CENPE: variants seen among roughly 807,000 people sequenced by gnomAD.
CENPE encodes centromere-associated protein E.
Under a neutral mutation model 336.1 loss-of-function variants are expected in CENPE, and 145 were observed. The observed-to-expected ratio is 0.43, with a 90% CI of 0.38 to 0.50. The LOEUF (loss-of-function observed/expected upper bound fraction) is 0.50. CENPE is among the 20% of genes least tolerant of loss of function. The pLI, the probability that CENPE is intolerant of heterozygous loss-of-function variation, is 0.00. For missense variants in CENPE, 2,719 were observed against 3,023.3 expected, an observed-to-expected ratio of 0.90 and a Z score of 2.36; for synonymous variants, 1,013 against 984.8, an observed-to-expected ratio of 1.03 and a Z score of -0.54.
At position 103,143,319 on chromosome 4, in the gene CENPE, A is replaced by G. The variant is rs761298281; in HGVS notation, c.5233T>C (p.Ser1745Pro). Residue 1745 changes from serine (S) to proline (P), a missense_variant, in exon 34 of 49, where the codon TCA becomes CCA. Ser to Pro is a moderately conservative substitution (Grantham distance 74). This residue lies in a region of CENPE where 2,437 missense variants were observed against 2,513.3 expected (regional missense o/e 0.97). Coordinates refer to ENST00000265148, the MANE Select transcript of CENPE (RefSeq NM_001813.3). ...TTTGATATTTCATTTGTTTTCTCTG[A>G]AACAATCCCTCTTAGTTTATCAATA... ...ETIDKLRGIV[S>P]EKTNEISNMQ... 1.2e-6 allele frequency: 2 copies of G among 1,606,838 alleles called. No individual in the cohort carries two copies. The highest frequency in any genetic ancestry group is 1.7e-6 in the Non-Finnish European group (2 of 1,173,950).
chr4:103,158,105 T>C (rs1305501413), intron 24 of CENPE, among the ~76,000 whole-genome samples, 195 bp downstream of exon 24: 9 of 151,868 alleles, frequency 5.9e-5, no homozygotes, highest in Non-Finnish European at 1.3e-4. Flanking sequence ...TTTGGGCCCT[T>C]TCCCTTTCTA....
In CENPE at chr4:103,182,868, C is replaced by G. The variant is rs766578555; in HGVS notation, c.857G>C (p.Ser286Thr). 3 of 1,612,412 alleles carry G rather than the reference C, an allele frequency of 1.9e-6. No homozygotes were observed. The highest frequency in any genetic ancestry group is 2.5e-6 in the Non-Finnish European group (3 of 1,179,076). ...QVGGFINYRD[S>T]KLTRILQNSL... Reference sequence around the variant, plus strand: ...ATTCTGGAGAATTCGTGTTAACTTGCTATCTCGATAATTTATGAAACCACT... The same window carrying G: ...ATTCTGGAGAATTCGTGTTAACTTGGTATCTCGATAATTTATGAAACCACT... The change falls in exon 11 of 49, where the codon AGC becomes ACC. Residue 286 changes from serine to threonine, a missense_variant. Ser to Thr is a moderately conservative substitution (Grantham distance 58, BLOSUM62 1). Coordinates refer to ENST00000265148, the MANE Select transcript of CENPE (RefSeq NM_001813.3).
chr4:103,153,560 C>T (rs192215544), intron 24 of CENPE, among the ~76,000 whole-genome samples: 4 of 152,232 alleles, frequency 2.6e-5, no homozygotes, highest in Admixed American at 2.6e-4. Flanking sequence ...ACAATATGGA[C>T]AACTACAAAT....
chr4:103,110,849 T>C lies in CENPE; in HGVS notation c.7703A>G (p.Lys2568Arg). The C allele has an allele frequency of 6.2e-7, 1 of 1,601,692 alleles. No individual in the cohort carries two copies. The highest frequency in any genetic ancestry group is 8.5e-7 in the Non-Finnish European group (1 of 1,175,302). The change falls in exon 47 of 49, where the codon AAA becomes AGA. Residue 2568 changes from lysine to arginine, a missense_variant. Physicochemically the swap from Lys to Arg is conservative, Grantham distance 26 (BLOSUM62 2). This residue lies in a region of CENPE where 2,437 missense variants were observed against 2,513.3 expected (regional missense o/e 0.97). Coordinates refer to ENST00000265148, the MANE Select transcript of CENPE (RefSeq NM_001813.3). Reference protein sequence around the residue: ...KLKQQNEQLIKQKNELLSNNQ... With the variant: ...KLKQQNEQLIRQKNELLSNNQ... ...TTACCTTAACAATTCATTCTTTTGT[T>C]TTATTAGCTGTTCATTTTGCTGCTT...
chr4:103,111,673 T>A (rs2125834583), intron 46 of CENPE, among the ~76,000 whole-genome samples: 1 of 152,252 alleles, frequency 6.6e-6, no homozygotes, highest in Middle Eastern at 3.4e-3. Flanking sequence ...ATCTACACTA[T>A]GTACCTGAAA....
chr4:103,160,521 CTT>C lies in CENPE; in HGVS notation c.2286+102_2286+103del, dbSNP rs148062383. ...TAGTCAAAACGTTTACAGTATCTCT[CTT>C]GTCTGCTAGTTTAAAATAAACTATA... On this transcript the variant is annotated intron_variant, in intron 21 of 48. Transcript: ENST00000265148. 3.5e-3 allele frequency: 3,211 copies of C among 922,000 alleles called. 67 individuals are homozygous for C. In the African/African-American group the frequency reaches 0.049, roughly 14 times the overall value. 57.1% of individuals were successfully genotyped at this position (922,000 alleles called of 1,614,324 possible).
chr4:103,148,578 T>C (rs534799849), intron 28 of CENPE, among the ~76,000 whole-genome samples: 2 of 152,234 alleles, frequency 1.3e-5, no homozygotes, highest in Admixed American at 6.5e-5. Context: ...TTTACCACTA[T>C]TTAATGTTTT....
intron 44 of CENPE, among the ~76,000 whole-genome samples, chr4:103,117,428 T>A (rs1280862335): frequency 6.6e-6 from 1 of 152,096 alleles, no homozygotes; most frequent in African/African-American, 2.4e-5. Context: ...AGTTTCACTG[T>A]CCTAAAAAAC....
At chr4:103,167,228 T>A (rs1034210332) in intron 16 of CENPE, among the ~76,000 whole-genome samples, 1 of 152,170 alleles carries the variant, frequency 6.6e-6, no homozygotes, top group African/African-American at 2.4e-5. Context: ...AAATTCATAC[T>A]GATCTCAGTA....
chr4:103,190,895 T>G (rs547660019), intron 8 of CENPE, among the ~76,000 whole-genome samples: 1 of 151,030 alleles, frequency 6.6e-6, no homozygotes. Flanking sequence ...AATCTACTCA[T>G]CTGACAAAGG....
At chr4:103,119,863 A>T (rs1750454034) in intron 44 of CENPE, among the ~76,000 whole-genome samples, 1 of 152,208 alleles carries the variant, frequency 6.6e-6, no homozygotes, top group African/African-American at 2.4e-5. Context: ...ATATATTTTG[A>T]TAAGCAATTT....
At position 103,160,547 on chromosome 4, in the gene CENPE, T is replaced by C. The variant is rs1754351584; in HGVS notation, c.2286+78A>G. The C allele has an allele frequency of 5.7e-6, 7 of 1,232,280 alleles. No individual in the cohort carries two copies. In the South Asian group the frequency reaches 5.9e-5, roughly 10 times the overall value. The allele number at this position is 1,232,280 out of a possible 1,614,324, so 76.3% of individuals were successfully genotyped here. The stretch of plus-strand genomic sequence containing the variant: ...TTGTCTGCTAGTTTAAAATAAACTA[T>C]ACCAAAATATTTAAGGCACTATTAT... On this transcript the variant is annotated intron_variant, in intron 21 of 48. Transcript: ENST00000265148.
chr4:103,192,503 C>T (rs753474767), intron 8 of CENPE, among the ~76,000 whole-genome samples: 4 of 152,082 alleles, frequency 2.6e-5, no homozygotes, highest in Non-Finnish European at 5.9e-5. Flanking sequence ...GTCATGGAGA[C>T]AAGGTTCCAG....
intron 21 of CENPE, 39 bp from the exon 22 acceptor site, chr4:103,159,363 T>C (rs1239294884): frequency 6.0e-6 from 7 of 1,161,162 alleles, no homozygotes; most frequent in Non-Finnish European, 8.0e-6. Flanking sequence ...GTTAGCAACA[T>C]ATGATTCACT....
chr4:103,109,582 A>G (rs2125829082), intron 47 of CENPE, among the ~76,000 whole-genome samples: 1 of 152,276 alleles, frequency 6.6e-6, no homozygotes. Context: ...CTGGGAAGCA[A>G]TCCTAGAGAC....
intron 41 of CENPE, 86 bp downstream of exon 41, chr4:103,133,609 A>G: frequency 1.1e-6 from 1 of 881,308 alleles, no homozygotes; most frequent in South Asian, 1.6e-5. Flanking sequence ...TGGTAAATGA[A>G]AATAGCTCTA....
intron 17 of CENPE, 72 bp from the exon 18 acceptor site, chr4:103,163,328 T>C (rs533215862): frequency 2.2e-6 from 3 of 1,367,958 alleles, no homozygotes; most frequent in Admixed American, 2.1e-5. Context: ...ACAGAACTTA[T>C]ATATATTAGT....
At chr4:103,129,973 C>G (rs1484125296) in intron 42 of CENPE, among the ~76,000 whole-genome samples, 1 of 152,126 alleles carries the variant, frequency 6.6e-6, no homozygotes, top group East Asian at 1.9e-4. Context: ...ATCCAATACC[C>G]ATTCATAATT....
chr4:103,144,932 T>G, intron 32 of CENPE, 118 bp downstream of exon 32: 1 of 941,180 alleles, frequency 1.1e-6, no homozygotes, highest in Non-Finnish European at 1.5e-6. Flanking sequence ...GATTCCTCTT[T>G]TATTTCCGGT....
Sources: allele counts gnomAD v4.1 joint callset (sites outside exome capture counted in the v4.1 genomes callset), GRCh38; gene constraint gnomAD v4.1.1; regional missense constraint gnomAD v4.1.1; transcripts MANE v1.5; gene names NCBI Gene and HGNC (gene_info 2026-07-23, HGNC 2026-07-21).